ACAP2: variants seen among roughly 807,000 people sequenced by gnomAD.
ACAP2 encodes the protein ArfGAP with coiled-coil, ankyrin repeat and PH domains 2.
A neutral mutation model predicts 115.8 loss-of-function variants in ACAP2; 39 were observed. The ratio of observed to expected loss-of-function variants is 0.34; its 90% CI spans 0.26 to 0.44. The LOEUF (loss-of-function observed/expected upper bound fraction) is 0.44. ACAP2 is among the 20% of genes least tolerant of loss of function. The pLI is 1.00. For missense variants in ACAP2, 662 were observed against 927.6 expected, an observed-to-expected ratio of 0.71 and a Z score of 3.72; for synonymous variants, 289 against 315.8, an observed-to-expected ratio of 0.92 and a Z score of 0.90.
chr3:195,318,307 T>C (rs553573833), intron 10 of ACAP2, among the ~76,000 whole-genome samples: 2 of 152,142 alleles, frequency 1.3e-5, no homozygotes, highest in Admixed American at 1.3e-4. Context: ...GCAAAGATAA[T>C]CTGAAAATGT....
intron 20 of ACAP2, 29 bp from the exon 21 acceptor site, chr3:195,289,260 A>T: frequency 6.6e-7 from 1 of 1,514,506 alleles, no homozygotes; most frequent in Non-Finnish European, 9.0e-7. Context: ...TTTTTGAGAT[A>T]TTGTCGATAA....
At chr3:195,357,995 GA>G (rs1258696543) in intron 4 of ACAP2, among the ~76,000 whole-genome samples, 2 of 152,152 alleles carry the variant, frequency 1.3e-5, no homozygotes, top group South Asian at 2.1e-4. Flanking sequence ...CAGCATGGGG[GA>G]AACCACTCCC....
chr3:195,410,045 TCAAA>T (rs781115688), intron 1 of ACAP2, among the ~76,000 whole-genome samples: 1 of 152,008 alleles, frequency 6.6e-6, no homozygotes, highest in Non-Finnish European at 1.5e-5. Flanking sequence ...GCCACAGTAA[TCAAA>T]CAGACGAATA....
intron 2 of ACAP2, among the ~76,000 whole-genome samples, chr3:195,389,231 G>A (rs1022638317): frequency 4.6e-5 from 7 of 152,018 alleles, no homozygotes; most frequent in African/African-American, 1.7e-4. Context: ...TCAATAACTT[G>A]TTTCAGATTT....
chr3:195,300,960 G>A (rs1416930751), intron 15 of ACAP2, among the ~76,000 whole-genome samples: 3 of 152,214 alleles, frequency 2.0e-5, no homozygotes, highest in African/African-American at 4.8e-5. Flanking sequence ...CCCGGCTGCA[G>A]TAAGCTGTGA....
At position 195,397,171 on chromosome 3, in the gene ACAP2, G is replaced by A. The variant is rs1711863304; in HGVS notation, c.54-5024C>T. Among the ~76,000 whole-genome samples, 3 of 152,176 alleles carry A rather than the reference G, an allele frequency of 2.0e-5. No individual in the cohort carries two copies. The South Asian group carries it at 6.2e-4, about 32-fold the overall frequency. On this transcript the variant is annotated intron_variant, in intron 1 of 22. Coordinates refer to ENST00000326793, the MANE Select transcript of ACAP2 (RefSeq NM_012287.6). ...ATACATGTATTTCTAAAAGCTGCAT[G>A]TAAATTGAATAACCGTTTAGAGACT... is the stretch of plus-strand genomic sequence containing the variant.
At chr3:195,349,816 A>G in intron 4 of ACAP2, 1 of 353,432 alleles carries the variant, frequency 2.8e-6, no homozygotes, top group Non-Finnish European at 5.6e-6. Flanking sequence ...ATTTGCCATG[A>G]AGGAGATGGG....
At chr3:195,321,469 C>A (rs964292127) in intron 9 of ACAP2, among the ~76,000 whole-genome samples, 2 of 151,792 alleles carry the variant, frequency 1.3e-5, no homozygotes, top group Non-Finnish European at 2.9e-5. Flanking sequence ...CTGCCTCAGT[C>A]TCCCAAAGTG....
intron 1 of ACAP2, among the ~76,000 whole-genome samples, chr3:195,420,433 C>T (rs928492146): frequency 3.9e-5 from 6 of 152,070 alleles, no homozygotes; most frequent in South Asian, 2.1e-4. Context: ...ACTGCAAGCT[C>T]CGCCTCCCGG....
chr3:195,340,179 A>T (rs1730774720), intron 6 of ACAP2, among the ~76,000 whole-genome samples: 1 of 151,090 alleles, frequency 6.6e-6, no homozygotes, highest in Non-Finnish European at 1.5e-5. Context: ...AAAGGTGAAG[A>T]AAGAACCAAT....
In ACAP2 at chr3:195,306,519, C is replaced by G; in HGVS notation, c.1108G>C (p.Glu370Gln). 1 of 1,603,794 alleles carries G rather than the reference C, an allele frequency of 6.2e-7. No homozygotes were observed. Among genetic ancestry groups the G allele is most frequent in the South Asian group, 1.1e-5 (1 of 89,144 alleles). Residue 370 changes from glutamate to glutamine, a missense_variant, in exon 13 of 23, where the codon GAA becomes CAA. Physicochemically the swap from Glu to Gln is conservative, Grantham distance 29. This residue lies in a region of ACAP2 where 401 missense variants were observed against 604.4 expected (regional missense o/e 0.66). Coordinates refer to ENST00000326793, the MANE Select transcript of ACAP2 (RefSeq NM_012287.6). Reference protein sequence around the residue: ...IATAYREKGDESEKLDKKSSP... With the variant: ...IATAYREKGDQSEKLDKKSSP... ...CTAATACCTCTACTAACCTCTGATTCATCACCCTTCTCTCTATAAGCAGTA... is the reference window on the plus strand; with the variant it reads ...CTAATACCTCTACTAACCTCTGATTGATCACCCTTCTCTCTATAAGCAGTA...
chr3:195,309,280 G>A (rs981023812), intron 10 of ACAP2, among the ~76,000 whole-genome samples: 17 of 152,060 alleles, frequency 1.1e-4, no homozygotes, highest in Non-Finnish European at 4.4e-5. Context: ...GGTGGCTCAC[G>A]CCTGTAATCC....
intron 1 of ACAP2, among the ~76,000 whole-genome samples, chr3:195,437,768 T>C (rs756620516): frequency 2.1e-5 from 3 of 141,056 alleles, no homozygotes; most frequent in Non-Finnish European, 3.0e-5. Flanking sequence ...TGAGTGGAGA[T>C]TGCACCACTG....
intron 22 of ACAP2, 73 bp from the exon 23 acceptor site, chr3:195,279,501 T>C: frequency 1.1e-6 from 1 of 926,082 alleles, no homozygotes; most frequent in Non-Finnish European, 1.6e-6. Flanking sequence ...TATTTATTAC[T>C]AGTACTATTT....
chr3:195,324,265 C>T (rs1729632683), intron 9 of ACAP2, among the ~76,000 whole-genome samples: 1 of 151,828 alleles, frequency 6.6e-6, no homozygotes, highest in African/African-American at 2.4e-5. Context: ...ACAGTTTAGA[C>T]AAAAAGACAG....
At chr3:195,320,873 A>G in intron 9 of ACAP2, 60 bp from the exon 10 acceptor site, 7 of 1,125,838 alleles carry the variant, frequency 6.2e-6, no homozygotes, top group Non-Finnish European at 9.3e-6. Flanking sequence ...TAGACAAGAA[A>G]TGGATCCTAA....
chr3:195,416,739 T>C lies in ACAP2; in HGVS notation c.54-24592A>G, dbSNP rs146907715. Reference sequence around the variant, plus strand: ...TGAATTTCCAAGTAGCACAAAAACTTTGAAAATAAAACTAAAGGAATGTGT... The same window carrying C: ...TGAATTTCCAAGTAGCACAAAAACTCTGAAAATAAAACTAAAGGAATGTGT... On this transcript the variant is annotated intron_variant, in intron 1 of 22. Coordinates refer to ENST00000326793, the MANE Select transcript of ACAP2 (RefSeq NM_012287.6). 3.3e-5 allele frequency among the ~76,000 whole-genome samples: 5 copies of C among 152,234 alleles called. No individual in the cohort carries two copies. The East Asian group carries it at 9.6e-4, about 29-fold the overall frequency.
intron 21 of ACAP2, 125 bp downstream of exon 21, chr3:195,288,996 A>G (rs1577238668): frequency 1.6e-6 from 1 of 638,892 alleles, no homozygotes; most frequent in Non-Finnish European, 2.7e-6. Flanking sequence ...ACCATTTTAT[A>G]TAAGGGACAT....
intron 1 of ACAP2, among the ~76,000 whole-genome samples, chr3:195,395,512 A>C (rs2108779238): frequency 6.6e-6 from 1 of 152,356 alleles, no homozygotes; most frequent in African/African-American, 2.4e-5. Context: ...TTTTTAAAAA[A>C]TAATATTTTG....
Sources: gnomAD v4.1 joint callset for allele counts (sites outside exome capture counted in the v4.1 genomes callset) on GRCh38, gnomAD v4.1.1 for gene constraint, gnomAD v4.1.1 regional missense constraint, MANE v1.5 for transcripts, NCBI Gene and HGNC (gene_info 2026-07-23, HGNC 2026-07-21) for gene names.